The following PCDH15 variants were observed in gnomAD, a reference collection of about 807,000 sequenced individuals.
PCDH15 encodes the protein protocadherin-15.
Under a neutral mutation model 178.5 loss-of-function variants are expected in PCDH15, and 129 were observed. The observed-to-expected ratio is 0.72, with a 90% CI of 0.63 to 0.84. The LOEUF is 0.84. Among genes scored for constraint, PCDH15 ranks in the 40% least tolerant of loss-of-function variants. The pLI is 0.00. For missense variants in PCDH15, 2,230 were observed against 2,099.9 expected (o/e 1.06, Z -1.21); for synonymous variants, 800 against 732.0 (o/e 1.09, Z -1.50).
intron 2 of PCDH15, among the ~76,000 whole-genome samples, chr10:55,550,052 T>C (rs1841973469): frequency 6.6e-6 from 1 of 152,124 alleles, no homozygotes; most frequent in African/African-American, 2.4e-5. Context: ...TATTGCTATG[T>C]ACAAATTCAT....
chr10:55,435,622 T>G (rs1336637211), intron 2 of PCDH15, among the ~76,000 whole-genome samples: 1 of 152,054 alleles, frequency 6.6e-6, no homozygotes, highest in African/African-American at 2.4e-5. Flanking sequence ...CAATTAAATT[T>G]TTAAAAATTA....
At chr10:55,019,915 A>T (rs904294713) in intron 2 of PCDH15, among the ~76,000 whole-genome samples, 1 of 142,162 alleles carries the variant, frequency 7.0e-6, no homozygotes, top group African/African-American at 2.6e-5. Flanking sequence ...TATAAATTGC[A>T]TTACTAGAAG....
chr10:54,414,525 A>C (rs1479320984), intron 3 of PCDH15, among the ~76,000 whole-genome samples: 1 of 152,154 alleles, frequency 6.6e-6, no homozygotes, highest in Non-Finnish European at 1.5e-5. Context: ...TTTATTTTGA[A>C]ATTAAATTTT....
At chr10:54,647,793 T>A (rs1290421511) in intron 2 of PCDH15, among the ~76,000 whole-genome samples, 2 of 152,092 alleles carry the variant, frequency 1.3e-5, no homozygotes, top group African/African-American at 4.8e-5. Flanking sequence ...CCCCAGAAAA[T>A]GCTATTTTTC....
intron 8 of PCDH15, among the ~76,000 whole-genome samples, chr10:54,263,174 T>G (rs1000109164): frequency 5.9e-5 from 9 of 152,222 alleles, no homozygotes; most frequent in Admixed American, 4.6e-4. Flanking sequence ...AAACCTGCTC[T>G]GACTTTGGTA....
intron 2 of PCDH15, among the ~76,000 whole-genome samples, chr10:54,991,467 G>A (rs984699489): frequency 2.0e-5 from 3 of 152,066 alleles, no homozygotes; most frequent in African/African-American, 7.2e-5. Context: ...AAAGTAAATA[G>A]ACATAAACTT....
At chr10:54,450,993 C>T (rs1176646044) in intron 3 of PCDH15, among the ~76,000 whole-genome samples, 5 of 151,766 alleles carry the variant, frequency 3.3e-5, no homozygotes, top group Non-Finnish European at 7.4e-5. Context: ...TTATTAAAAA[C>T]ATACCTAAAT....
chr10:54,019,754 G>A (rs2092854877), intron 20 of PCDH15, among the ~76,000 whole-genome samples: 1 of 152,054 alleles, frequency 6.6e-6, no homozygotes, highest in African/African-American at 2.4e-5. Context: ...TAACTTGGAA[G>A]CTTATTTCAT....
intron 2 of PCDH15, among the ~76,000 whole-genome samples, chr10:54,990,595 C>A (rs1839476005): frequency 6.6e-6 from 1 of 152,014 alleles, no homozygotes; most frequent in Admixed American, 6.5e-5. Context: ...GTTGTTTGTG[C>A]AGAGATATTT....
chr10:54,301,225 T>G (rs1368810915), intron 8 of PCDH15, among the ~76,000 whole-genome samples: 2 of 152,196 alleles, frequency 1.3e-5, no homozygotes, highest in Non-Finnish European at 2.9e-5. Flanking sequence ...GACACACAAG[T>G]TCCTAGGCTT....
chr10:55,486,534 T>C (rs1484427315), intron 2 of PCDH15, among the ~76,000 whole-genome samples: 2 of 151,700 alleles, frequency 1.3e-5, no homozygotes, highest in African/African-American at 4.8e-5. Flanking sequence ...ATGCTTTTTT[T>C]CTGGAGACAT....
chr10:54,193,550 T>C (rs2049252551), intron 11 of PCDH15, among the ~76,000 whole-genome samples: 1 of 152,164 alleles, frequency 6.6e-6, no homozygotes, highest in Non-Finnish European at 1.5e-5. Context: ...ATACATTTGC[T>C]CAGCCTGGAT....
At chr10:54,975,605 T>A (rs909767587) in intron 2 of PCDH15, among the ~76,000 whole-genome samples, 3 of 151,976 alleles carry the variant, frequency 2.0e-5, no homozygotes, top group Non-Finnish European at 4.4e-5. Context: ...CTAGGAGAGG[T>A]GACTTTTGAG....
In PCDH15 at chr10:55,113,294, TC is replaced by T. The variant is rs1377181862; in HGVS notation, c.-80+53281del. On this transcript the variant is annotated intron_variant, in intron 2 of 5. Transcript: ENST00000458638. ...TCTTGGTGTTTTCCCTAATGTCCTT[TC>T]CCTGTTCCTAGATCTTATGCAAGAC... 2.6e-5 allele frequency among the ~76,000 whole-genome samples: 4 copies of T among 152,156 alleles called. No homozygotes were observed. In the East Asian group the frequency reaches 7.7e-4, roughly 29 times the overall value.
intron 9 of PCDH15, among the ~76,000 whole-genome samples, chr10:54,219,462 G>A (rs541863253): frequency 2.0e-5 from 3 of 150,462 alleles, no homozygotes; most frequent in East Asian, 3.9e-4. Context: ...GCTTGGTGGC[G>A]GGTGACTGTA....
At chr10:54,697,985 T>TACTA (rs1565972224) in intron 1 of PCDH15, among the ~76,000 whole-genome samples, 1 of 151,290 alleles carries the variant, frequency 6.6e-6, no homozygotes, top group South Asian at 2.1e-4. Flanking sequence ...CCTAAATCAA[T>TACTA]ACTCATCCTG....
At chr10:53,947,699 T>G (rs2086690135) in intron 23 of PCDH15, among the ~76,000 whole-genome samples, 1 of 152,122 alleles carries the variant, frequency 6.6e-6, no homozygotes, top group African/African-American at 2.4e-5. Context: ...TCCAGAATAC[T>G]TAGGATGGAT....
At chr10:55,113,329 T>C (rs879534931) in intron 2 of PCDH15, among the ~76,000 whole-genome samples, 1 of 152,158 alleles carries the variant, frequency 6.6e-6, no homozygotes, top group Non-Finnish European at 1.5e-5. Context: ...ACACTATACT[T>C]AGTTATCATA....
At chr10:54,844,639 T>C (rs960456445) in intron 3 of PCDH15, among the ~76,000 whole-genome samples, 1 of 151,968 alleles carries the variant, frequency 6.6e-6, no homozygotes, top group African/African-American at 2.4e-5. Flanking sequence ...TTTTTGAATA[T>C]TAATAATTTT....
Sources: gnomAD v4.1 joint callset for allele counts (sites outside exome capture counted in the v4.1 genomes callset) on GRCh38, gnomAD v4.1.1 for gene constraint, MANE v1.5 for transcripts, NCBI Gene and HGNC (gene_info 2026-07-23, HGNC 2026-07-21) for gene names.